NCOA1: variants seen among roughly 807,000 people sequenced by gnomAD.
The protein encoded by NCOA1 is nuclear receptor coactivator 1.
A neutral mutation model predicts 150.9 loss-of-function variants in NCOA1; 35 were observed. That is an observed-to-expected ratio of 0.23 (90% CI 0.18 to 0.31). The LOEUF is 0.31. Among genes scored for constraint, NCOA1 ranks in the 10% least tolerant of loss-of-function variants. NCOA1 has a pLI of 1.00. For synonymous variants in NCOA1, 590 were observed against 630.0 expected (o/e 0.94, Z 0.95); for missense variants, 1,491 against 1,749.3 (o/e 0.85, Z 2.63).
chr2:24,499,459 C>A (rs77147472), intron 1 of NCOA1, among the ~76,000 whole-genome samples: 5 of 152,146 alleles, frequency 3.3e-5, no homozygotes, highest in Admixed American at 2.6e-4. Flanking sequence ...TAATTTCATG[C>A]CCTCTAAATG....
chr2:24,642,888 T>C (rs56264157), intron 3 of NCOA1, among the ~76,000 whole-genome samples: 8,122 of 152,238 alleles, frequency 0.053, 301 homozygotes, highest in East Asian at 0.2. Flanking sequence ...TGCTATATGA[T>C]TCAATTTATG....
intron 7 of NCOA1, among the ~76,000 whole-genome samples, chr2:24,678,691 G>T (rs888186879): frequency 6.6e-6 from 1 of 152,170 alleles, no homozygotes; most frequent in Non-Finnish European, 1.5e-5. Flanking sequence ...TTTCTTTTGA[G>T]AAGTGTCTGT....
chr2:24,692,762 G>A (rs1672722964), intron 9 of NCOA1, among the ~76,000 whole-genome samples: 1 of 152,196 alleles, frequency 6.6e-6, no homozygotes, highest in Non-Finnish European at 1.5e-5. Flanking sequence ...TCTACCTGGA[G>A]CTGTCAGTTT....
intron 4 of NCOA1, among the ~76,000 whole-genome samples, chr2:24,649,031 A>G (rs1247069154): frequency 6.6e-6 from 1 of 151,970 alleles, no homozygotes; most frequent in East Asian, 1.9e-4. Context: ...CTATTATCTG[A>G]ATCTCTGAAA....
At chr2:24,663,478 A>C (rs958096388) in intron 5 of NCOA1, among the ~76,000 whole-genome samples, 1 of 152,184 alleles carries the variant, frequency 6.6e-6, no homozygotes, top group African/African-American at 2.4e-5. Context: ...GGCATATAAT[A>C]AGTATAGGAG....
intron 2 of NCOA1, among the ~76,000 whole-genome samples, chr2:24,577,776 T>C (rs918820654): frequency 6.6e-6 from 1 of 152,204 alleles, no homozygotes; most frequent in Admixed American, 6.5e-5. Flanking sequence ...TTTTGAGAGA[T>C]TGTGCAGTTT....
At chr2:24,679,207 G>GTT in intron 7 of NCOA1, among the ~76,000 whole-genome samples, 1 of 152,198 alleles carries the variant, frequency 6.6e-6, no homozygotes, top group Non-Finnish European at 1.5e-5. Context: ...ATAGGCATTT[G>GTT]TTGTCTTCTC....
intron 4 of NCOA1, among the ~76,000 whole-genome samples, chr2:24,652,799 T>G (rs1670767395): frequency 1.3e-5 from 2 of 152,182 alleles, no homozygotes; most frequent in Admixed American, 1.3e-4. Context: ...ACCTTACCTC[T>G]TTTTAAATAG....
At chr2:24,512,815 C>T (rs967640264) in intron 1 of NCOA1, among the ~76,000 whole-genome samples, 1 of 152,190 alleles carries the variant, frequency 6.6e-6, no homozygotes, top group Non-Finnish European at 1.5e-5. Flanking sequence ...GTGCTTTGCA[C>T]CTATAGATCT....
intron 3 of NCOA1, among the ~76,000 whole-genome samples, chr2:24,606,868 T>C (rs1668392507): frequency 6.6e-6 from 1 of 152,214 alleles, no homozygotes; most frequent in Non-Finnish European, 1.5e-5. Context: ...TTTATTTTAA[T>C]TGTAAATAAC....
At chr2:24,670,399 T>G (rs191447650) in intron 6 of NCOA1, among the ~76,000 whole-genome samples, 1 of 152,256 alleles carries the variant, frequency 6.6e-6, no homozygotes, top group Admixed American at 6.5e-5. Context: ...TTATCACAAA[T>G]AGCTGAAAAG....
chr2:24,729,996 C>T (rs573195641), intron 17 of NCOA1, among the ~76,000 whole-genome samples, 181 bp downstream of exon 17: 17 of 152,246 alleles, frequency 1.1e-4, no homozygotes, highest in African/African-American at 4.1e-4. Flanking sequence ...CAGGTGTGTG[C>T]CACCACTCCC....
At chr2:24,649,281 G>C (rs1670611725) in intron 4 of NCOA1, among the ~76,000 whole-genome samples, 1 of 152,048 alleles carries the variant, frequency 6.6e-6, no homozygotes, top group African/African-American at 2.4e-5. Context: ...AAAGCAAAAT[G>C]ATCATTTACT....
In NCOA1 at chr2:24,691,532, T is replaced by C; in HGVS notation, c.584T>C (p.Phe195Ser). The C allele has an allele frequency of 1.9e-6, 3 of 1,614,166 alleles. No individual in the cohort carries two copies. The highest frequency in any genetic ancestry group is 2.5e-6 in the Non-Finnish European group (3 of 1,180,010). The change falls in exon 9 of 23, where the codon TTT becomes TCT. Residue 195 changes from phenylalanine (F) to serine (S), a missense_variant. Around this residue, in one of 8 missense-constraint regions of NCOA1, gnomAD observed 99 missense variants for 122.8 expected, o/e 0.81. Coordinates refer to ENST00000348332, the MANE Select transcript of NCOA1 (RefSeq NM_003743.5). ...GCAACACGACGAAATAGCCATACCT[T>C]TAACTGCAGGATGCTAATTCACCCT... ...QEATRRNSHT[F>S]NCRMLIHPPD...
At chr2:24,757,212 A>G (rs934719360) in intron 20 of NCOA1, among the ~76,000 whole-genome samples, 4 of 152,218 alleles carry the variant, frequency 2.6e-5, no homozygotes, top group Admixed American at 1.3e-4. Context: ...GTGATTCACC[A>G]GGGCTTGAGT....
intron 17 of NCOA1, among the ~76,000 whole-genome samples, chr2:24,731,655 A>G (rs1181253915): frequency 6.6e-6 from 1 of 152,228 alleles, no homozygotes; most frequent in Non-Finnish European, 1.5e-5. Flanking sequence ...GGATTCAAAG[A>G]AGAATTAAAG....
intron 2 of NCOA1, among the ~76,000 whole-genome samples, chr2:24,573,546 C>A (rs1390194557): frequency 1.3e-5 from 2 of 151,998 alleles, no homozygotes; most frequent in African/African-American, 4.8e-5. Flanking sequence ...AGTGTAAAAC[C>A]TGCATTGATG....
chr2:24,534,460 T>C (rs977436396), intron 1 of NCOA1, among the ~76,000 whole-genome samples: 3 of 151,978 alleles, frequency 2.0e-5, no homozygotes, highest in African/African-American at 7.3e-5. Context: ...TCAGTTCTGC[T>C]CTGATCTTAG....
At chr2:24,654,760 C>T (rs184774757) in intron 4 of NCOA1, among the ~76,000 whole-genome samples, 9 of 152,034 alleles carry the variant, frequency 5.9e-5, no homozygotes, top group Admixed American at 1.3e-4. Flanking sequence ...CTCCCCCATC[C>T]CCCAGGTTCT....
Sources: gnomAD v4.1 joint callset for allele counts (sites outside exome capture counted in the v4.1 genomes callset) on GRCh38, gnomAD v4.1.1 for gene constraint, gnomAD v4.1.1 regional missense constraint, MANE v1.5 for transcripts, NCBI Gene and HGNC (gene_info 2026-07-23, HGNC 2026-07-21) for gene names.